RCOR1: variants seen among roughly 807,000 people sequenced by gnomAD.
RCOR1 encodes the protein REST corepressor.
RCOR1 carries 12 observed loss-of-function variants against 64.0 expected under a neutral mutation model. The ratio of observed to expected loss-of-function variants is 0.19; its 90% CI spans 0.12 to 0.30. The LOEUF (loss-of-function observed/expected upper bound fraction) is 0.30. Ranked by LOEUF, RCOR1 falls within the 10% of genes least tolerant of loss-of-function variation. The probability of loss-of-function intolerance (pLI) is 1.00; values close to 1 mark genes in which losing one functional copy is unlikely to be tolerated. For missense variants in RCOR1, 502 were observed against 621.2 expected (o/e 0.81, Z 2.04); for synonymous variants, 279 against 227.2 (o/e 1.23, Z -2.05).
intron 3 of RCOR1, among the ~76,000 whole-genome samples, chr14:102,694,080 A>C (rs1284880020): frequency 6.6e-6 from 1 of 152,178 alleles, no homozygotes; most frequent in Non-Finnish European, 1.5e-5. Flanking sequence ...CACTTAAGGA[A>C]ACCATGTGAG....
At chr14:102,623,375 C>A (rs910245802) in intron 2 of RCOR1, among the ~76,000 whole-genome samples, 25 of 137,896 alleles carry the variant, frequency 1.8e-4, no homozygotes, top group Non-Finnish European at 2.9e-4. Context: ...AATTTACTTC[C>A]TTTATTTATT....
Position 102,613,847 on chromosome 14 carries a change from C to T in RCOR1, c.361+20522C>T, listed in dbSNP as rs564532470. ...CTGGGATTACAGGAGTGAACCACCG[C>T]GCCTGGCTGAGATAGGTTGTTTTTT... On this transcript the variant is annotated intron_variant, in intron 2 of 11. Coordinates refer to ENST00000262241, the MANE Select transcript of RCOR1 (RefSeq NM_015156.4). Among the ~76,000 whole-genome samples the T allele has an allele frequency of 4.1e-3, 617 of 150,280 alleles. 4 individuals are homozygous for T. The highest frequency in any genetic ancestry group is 6.8e-3 in the Non-Finnish European group (463 of 67,674).
chr14:102,714,353 A>AAT, intron 7 of RCOR1, 70 bp from the exon 8 acceptor site: 1 of 1,008,614 alleles, frequency 9.9e-7, no homozygotes. Flanking sequence ...ATGTTAAGGA[A>AAT]ATAAATATGT....
At chr14:102,673,511 A>T (rs1567430828) in intron 2 of RCOR1, among the ~76,000 whole-genome samples, 1 of 149,774 alleles carries the variant, frequency 6.7e-6, no homozygotes, top group African/African-American at 2.5e-5. Flanking sequence ...TAATTTTTGT[A>T]TTTTTAGTAG....
At chr14:102,725,707 C>T (rs1377100518) in intron 11 of RCOR1, among the ~76,000 whole-genome samples, 1 of 152,140 alleles carries the variant, frequency 6.6e-6, no homozygotes, top group African/African-American at 2.4e-5. Flanking sequence ...TCCCAAGTAG[C>T]TGGGACTACA....
chr14:102,683,964 G>A (rs529819185), intron 3 of RCOR1, among the ~76,000 whole-genome samples: 3 of 152,314 alleles, frequency 2.0e-5, no homozygotes, highest in South Asian at 4.1e-4. Flanking sequence ...GCCTGGGTGC[G>A]CCGTGACCTG....
intron 2 of RCOR1, among the ~76,000 whole-genome samples, chr14:102,617,569 C>A (rs1370794291): frequency 6.7e-6 from 1 of 149,178 alleles, no homozygotes; most frequent in Non-Finnish European, 1.5e-5. Context: ...GCCGGGGCAA[C>A]GAAGACACTG....
intron 3 of RCOR1, among the ~76,000 whole-genome samples, chr14:102,688,140 G>A (rs1192338773): frequency 6.6e-6 from 1 of 151,980 alleles, no homozygotes; most frequent in Non-Finnish European, 1.5e-5. Flanking sequence ...CTAATTGTGT[G>A]TTTTTAGTAG....
At chr14:102,719,158 C>G (rs1206464067) in intron 8 of RCOR1, among the ~76,000 whole-genome samples, 1 of 152,080 alleles carries the variant, frequency 6.6e-6, no homozygotes, top group Non-Finnish European at 1.5e-5. Flanking sequence ...TCTCGGCTCA[C>G]TGCAACCCCT....
Position 102,730,007 on chromosome 14 carries a change from A to G in RCOR1, c.*3501A>G, listed in dbSNP as rs1021047216. 2 of 398,952 alleles carry G rather than the reference A, an allele frequency of 5.0e-6. No homozygotes were observed. The highest frequency in any genetic ancestry group is 8.8e-6 in the Non-Finnish European group (2 of 226,074). 24.7% of individuals were successfully genotyped at this position (398,952 alleles called of 1,614,324 possible). ...CGATGCTCTTTCTGCCAGTCCCTGA[A>G]TCTCTGCAGCTTCTCTTACCTGTCT... On this transcript the variant is annotated 3_prime_UTR_variant, in exon 12 of 12. Coordinates refer to ENST00000262241, the MANE Select transcript of RCOR1 (RefSeq NM_015156.4).
chr14:102,620,290 G>A (rs1893848586), intron 2 of RCOR1, among the ~76,000 whole-genome samples: 1 of 151,908 alleles, frequency 6.6e-6, no homozygotes, highest in Non-Finnish European at 1.5e-5. Flanking sequence ...AGTCGCGGCG[G>A]GGTGCGGTGG....
chr14:102,708,654 A>C, intron 6 of RCOR1, 71 bp downstream of exon 6: 5 of 830,552 alleles, frequency 6.0e-6, no homozygotes, highest in Non-Finnish European at 1.0e-5. Flanking sequence ...CACAAAGGCA[A>C]GGCAGAATGA....
At chr14:102,628,486 G>GT (rs1476782775) in intron 2 of RCOR1, among the ~76,000 whole-genome samples, 23 of 143,964 alleles carry the variant, frequency 1.6e-4, no homozygotes, top group African/African-American at 3.1e-4. Context: ...TTCTTTTTTT[G>GT]TTTTTTTGGA....
intron 2 of RCOR1, among the ~76,000 whole-genome samples, chr14:102,659,730 AG>A (rs1263985550): frequency 6.6e-6 from 1 of 152,164 alleles, no homozygotes; most frequent in African/African-American, 2.4e-5. Flanking sequence ...ACAGTAACGG[AG>A]AGGTATCTGC....
intron 2 of RCOR1, among the ~76,000 whole-genome samples, chr14:102,653,426 T>C (rs1894633512): frequency 6.6e-6 from 1 of 152,018 alleles, no homozygotes; most frequent in South Asian, 2.1e-4. Flanking sequence ...TGCCACGTTG[T>C]CCAGGCTGGC....
At chr14:102,597,339 T>C (rs546841807) in intron 2 of RCOR1, among the ~76,000 whole-genome samples, 12 of 152,158 alleles carry the variant, frequency 7.9e-5, no homozygotes, top group African/African-American at 2.9e-4. Context: ...CTTTGATTTT[T>C]TTTTTTTGAG....
intron 2 of RCOR1, among the ~76,000 whole-genome samples, chr14:102,659,560 T>A (rs570570532): frequency 6.6e-6 from 1 of 152,160 alleles, no homozygotes; most frequent in East Asian, 1.9e-4. Context: ...AGGCATGGGG[T>A]CCTTGACACT....
chr14:102,625,264 G>A (rs1595200009), intron 2 of RCOR1, among the ~76,000 whole-genome samples: 1 of 122,848 alleles, frequency 8.1e-6, no homozygotes, highest in African/African-American at 3.1e-5. Flanking sequence ...TTGAGGCAGA[G>A]TTTCACTCGT....
At chr14:102,665,597 C>T (rs1171719577) in intron 2 of RCOR1, among the ~76,000 whole-genome samples, 3 of 152,140 alleles carry the variant, frequency 2.0e-5, no homozygotes, top group African/African-American at 7.2e-5. Flanking sequence ...ATTATCCTCT[C>T]CATTTTTCTT....
Sources: allele counts gnomAD v4.1 joint callset (sites outside exome capture counted in the v4.1 genomes callset), GRCh38; gene constraint gnomAD v4.1.1; transcripts MANE v1.5; gene names NCBI Gene and HGNC (gene_info 2026-07-23, HGNC 2026-07-21).